ERI1: variants seen among roughly 807,000 people sequenced by gnomAD.
ERI1 encodes exoribonuclease 1, also known as 3'-5' exoribonuclease 1.
ERI1 carries 39 observed loss-of-function variants against 39.7 expected under a neutral mutation model. That is an observed-to-expected ratio of 0.98 (90% CI 0.76 to 1.28). ERI1 has a LOEUF of 1.28. ERI1 is among the 50% of genes most tolerant of loss of function. The pLI is 0.00. For synonymous variants in ERI1, 204 were observed against 149.6 expected (o/e 1.36, Z -2.65); for missense variants, 581 against 416.9 (o/e 1.39, Z -3.43).
intron 3 of ERI1, among the ~76,000 whole-genome samples, chr8:9,075,853 G>A (rs1301735038): frequency 6.6e-6 from 1 of 152,150 alleles, no homozygotes; most frequent in Non-Finnish European, 1.5e-5. Flanking sequence ...GCCCAGGCTG[G>A]TTTTGAACTC....
Position 9,072,765 on chromosome 8 carries a change from G to T in ERI1, n.300-43583G>T, listed in dbSNP as rs76468536. 4.4e-3 allele frequency among the ~76,000 whole-genome samples: 676 copies of T among 152,248 alleles called. 8 individuals carry two copies. The highest frequency in any genetic ancestry group is 6.1e-3 in the Non-Finnish European group (417 of 68,016). On this transcript the variant is annotated intron_variant and non_coding_transcript_variant, in intron 3 of 3. Transcript: ENST00000518663. Reference sequence around the variant, plus strand: ...CTCTGCCACAGTGCTAAGGAACAGAGTGACCCCCCACCCCACTCCCGACAG... The same window carrying T: ...CTCTGCCACAGTGCTAAGGAACAGATTGACCCCCCACCCCACTCCCGACAG...
At chr8:9,047,417 C>G (rs542494415) in intron 3 of ERI1, among the ~76,000 whole-genome samples, 2 of 152,250 alleles carry the variant, frequency 1.3e-5, no homozygotes, top group African/African-American at 4.8e-5. Flanking sequence ...CTGGCAGATG[C>G]TTGCCACTAG....
intron 3 of ERI1, among the ~76,000 whole-genome samples, chr8:9,045,298 T>A (rs551444510): frequency 9.1e-4 from 138 of 151,880 alleles, no homozygotes; most frequent in African/African-American, 3.2e-3. Flanking sequence ...CTTCTCAGAT[T>A]TCCACTAGAC....
At chr8:9,095,681 G>C (rs1563103003) in intron 3 of ERI1, among the ~76,000 whole-genome samples, 2 of 151,934 alleles carry the variant, frequency 1.3e-5, no homozygotes, top group South Asian at 4.1e-4. Flanking sequence ...CCACCATGCC[G>C]AGCTAATTTT....
In ERI1 at chr8:9,007,895, C is replaced by T. The variant is rs1172771482; in HGVS notation, c.109-75C>T. 9 of 1,485,762 alleles carry T rather than the reference C, an allele frequency of 6.1e-6. No homozygotes were observed. The African/African-American group carries it at 1.4e-4, about 23-fold the overall frequency. 92.0% of individuals were successfully genotyped at this position (1,485,762 alleles called of 1,614,324 possible). ...GCTTCAGAAGTTTGAAAGTTTGAATCTTTAAATCTGTGATGTTTGTACTAA... is the reference window on the plus strand; with the variant it reads ...GCTTCAGAAGTTTGAAAGTTTGAATTTTTAAATCTGTGATGTTTGTACTAA... On this transcript the variant is annotated intron_variant, in intron 1 of 6. Transcript: ENST00000250263.
intron 3 of ERI1, among the ~76,000 whole-genome samples, chr8:9,063,396 TG>T: frequency 6.6e-6 from 1 of 151,842 alleles, no homozygotes; most frequent in African/African-American, 2.4e-5. Flanking sequence ...GCTGGGCAGG[TG>T]GGGGAGGGCT....
At chr8:9,003,785 C>G (rs1290429526) in intron 1 of ERI1, among the ~76,000 whole-genome samples, 1 of 152,216 alleles carries the variant, frequency 6.6e-6, no homozygotes, top group Non-Finnish European at 1.5e-5. Context: ...TAATTGTTGA[C>G]TAGCGCTGCG....
At chr8:9,040,952 G>C (rs1171172940) in intron 3 of ERI1, among the ~76,000 whole-genome samples, 2 of 152,130 alleles carry the variant, frequency 1.3e-5, no homozygotes, top group African/African-American at 4.8e-5. Flanking sequence ...CCTCGGTCTA[G>C]TGCTTACTCA....
At chr8:9,015,944 C>T (rs1000932641) in intron 3 of ERI1, among the ~76,000 whole-genome samples, 1 of 152,044 alleles carries the variant, frequency 6.6e-6, no homozygotes, top group Non-Finnish European at 1.5e-5. Flanking sequence ...TAACTGCAGG[C>T]TGGCATTTCT....
chr8:9,040,248 T>G (rs936253339), intron 3 of ERI1, among the ~76,000 whole-genome samples: 1 of 152,184 alleles, frequency 6.6e-6, no homozygotes, highest in African/African-American at 2.4e-5. Flanking sequence ...ACTTTCACTT[T>G]ACCACATATT....
At chr8:9,055,845 A>G (rs1351246244) in intron 3 of ERI1, among the ~76,000 whole-genome samples, 1 of 152,074 alleles carries the variant, frequency 6.6e-6, no homozygotes, top group Non-Finnish European at 1.5e-5. Context: ...CGGGAGGAAT[A>G]TTTTTAAGCT....
At chr8:9,046,694 T>G (rs912351472) in intron 3 of ERI1, among the ~76,000 whole-genome samples, 47 of 152,246 alleles carry the variant, frequency 3.1e-4, no homozygotes, top group Admixed American at 2.0e-4. Context: ...ACACCTTTAC[T>G]ATTGAGTCTT....
chr8:9,016,142 C>T (rs1817256301), intron 3 of ERI1, among the ~76,000 whole-genome samples, 180 bp from the exon 4 acceptor site: 1 of 152,118 alleles, frequency 6.6e-6, no homozygotes, highest in Non-Finnish European at 1.5e-5. Context: ...TGAATCAATT[C>T]ATTTTTTAAT....
At chr8:9,014,911 C>G (rs1157368897) in intron 3 of ERI1, among the ~76,000 whole-genome samples, 1 of 152,104 alleles carries the variant, frequency 6.6e-6, no homozygotes, top group Non-Finnish European at 1.5e-5. Context: ...AATCTCGGCT[C>G]ACTGCAACCT....
intron 3 of ERI1, among the ~76,000 whole-genome samples, chr8:9,050,576 T>C (rs1019512892): frequency 2.6e-5 from 4 of 152,148 alleles, no homozygotes; most frequent in African/African-American, 9.7e-5. Context: ...TCTAGGTCTA[T>C]TCCTGTCTGA....
chr8:9,053,915 T>G (rs1798433048), intron 3 of ERI1, among the ~76,000 whole-genome samples: 1 of 152,252 alleles, frequency 6.6e-6, no homozygotes, highest in African/African-American at 2.4e-5. Flanking sequence ...ATTCTCTTTC[T>G]CTGCTTTCTT....
At chr8:9,081,030 C>T (rs1799350627) in intron 3 of ERI1, among the ~76,000 whole-genome samples, 1 of 152,146 alleles carries the variant, frequency 6.6e-6, no homozygotes, top group South Asian at 2.1e-4. Flanking sequence ...GGGGAGGCCT[C>T]AGGAAACTTA....
intron 3 of ERI1, among the ~76,000 whole-genome samples, chr8:9,090,953 A>G (rs552502540): frequency 6.6e-6 from 1 of 152,166 alleles, no homozygotes. Flanking sequence ...ATTACTTTCT[A>G]ATACTTAGCA....
chr8:9,025,768 A>G (rs777774128), intron 6 of ERI1, among the ~76,000 whole-genome samples: 8 of 151,590 alleles, frequency 5.3e-5, no homozygotes, highest in Non-Finnish European at 1.2e-4. Flanking sequence ...CCTAATTGGA[A>G]ATGATTGGGA....
Sources: allele counts gnomAD v4.1 joint callset (sites outside exome capture counted in the v4.1 genomes callset), GRCh38; gene constraint gnomAD v4.1.1; transcripts MANE v1.5; gene names NCBI Gene and HGNC (gene_info 2026-07-23, HGNC 2026-07-21).